Variants in RPRD2 observed in about 807,000 individuals in gnomAD.
RPRD2 encodes the protein regulation of nuclear pre-mRNA domain-containing protein 2.
RPRD2 carries 12 observed loss-of-function variants against 104.4 expected under a neutral mutation model. The observed-to-expected ratio is 0.11, with a 90% CI of 0.07 to 0.19. The LOEUF (loss-of-function observed/expected upper bound fraction) is 0.19. Among genes scored for constraint, RPRD2 ranks in the 10% least tolerant of loss-of-function variants. The pLI, the probability that RPRD2 is intolerant of heterozygous loss-of-function variation, is 1.00. For missense variants in RPRD2, 1,543 were observed against 1,790.1 expected, an observed-to-expected ratio of 0.86 and a Z score of 2.49; for synonymous variants, 714 against 684.9, an observed-to-expected ratio of 1.04 and a Z score of -0.66.
intron 1 of RPRD2, among the ~76,000 whole-genome samples, chr1:150,367,849 A>G (rs1168193681): frequency 6.6e-6 from 1 of 151,890 alleles, no homozygotes; most frequent in African/African-American, 2.4e-5. Context: ...CAGCCTCCCA[A>G]GTAGCTGGGA....
At chr1:150,390,068 A>G (rs1661950991) in intron 1 of RPRD2, among the ~76,000 whole-genome samples, 2 of 152,210 alleles carry the variant, frequency 1.3e-5, no homozygotes, top group Admixed American at 6.6e-5. Flanking sequence ...CAGAATTCCC[A>G]TAGATAAAAT....
In RPRD2 at chr1:150,440,969, G is replaced by T; in HGVS notation, c.382G>T (p.Glu128Ter). Residue 128 changes from glutamate (E) to a stop codon, truncating the protein, a stop_gained, in exon 3 of 11, where the codon GAA becomes TAA. Coordinates refer to ENST00000369068, the MANE Select transcript of RPRD2 (RefSeq NM_015203.5). LOFTEE classifies it high-confidence loss of function. The part of the protein sequence containing the change: ...KSVERIFKIW[E>*]DRNVYPEEMI... ...TGTAGAACGAATCTTTAAAATCTGG[G>T]AAGATAGAAATGTATACCCAGAAGA... The T allele has an allele frequency of 6.3e-7, 1 of 1,585,032 alleles. No homozygotes were observed. Among genetic ancestry groups the T allele is most frequent in the Non-Finnish European group, 8.6e-7 (1 of 1,163,962 alleles).
chr1:150,441,321 C>G (rs1346514596), intron 3 of RPRD2: 4 of 286,196 alleles, frequency 1.4e-5, no homozygotes, highest in Non-Finnish European at 2.6e-5. Context: ...TCAAATGGTT[C>G]ATTGTTTGTG....
rs10524632 is a variant in RPRD2, at chr1:150,395,365, T to TTGTGTGTGTGTGTGTGTGTGTG, written c.206-22217_206-22196dup. On this transcript the variant is annotated intron_variant, in intron 1 of 10. Coordinates refer to ENST00000369068, the MANE Select transcript of RPRD2 (RefSeq NM_015203.5). The stretch of plus-strand genomic sequence containing the variant: ...CTTTTCATGGCTGAGTAGTATTCCA[T>TTGTGTGTGTGTGTGTGTGTGTG]TGTGTGTGTGTGTGTGTGTGTGTGT... Among the ~76,000 whole-genome samples the TTGTGTGTGTGTGTGTGTGTGTG allele has an allele frequency of 2.5e-3, 356 of 144,146 alleles. 5 individuals are homozygous for TTGTGTGTGTGTGTGTGTGTGTG. The highest frequency in any genetic ancestry group is 5.7e-3 in the African/African-American group (217 of 38,134). The allele number at this position is 144,146 out of a possible 152,430, so 94.6% of individuals were successfully genotyped here.
chr1:150,393,454 C>CAAAAAAAA (rs1203478537), intron 1 of RPRD2, among the ~76,000 whole-genome samples: 1 of 59,552 alleles, frequency 1.7e-5, no homozygotes, highest in African/African-American at 5.9e-5. Context: ...GACCCTGTCT[C>CAAAAAAAA]AAAAAAAAAA....
rs147622473 is a variant in RPRD2, at chr1:150,366,359, A to G, written c.205+1440A>G. On this transcript the variant is annotated intron_variant, in intron 1 of 10. Coordinates refer to ENST00000369068, the MANE Select transcript of RPRD2 (RefSeq NM_015203.5). Reference sequence around the variant, plus strand: ...CCATGCTTCGAACTATTTGTGTTTAAAGTTTTGGGAGGGATGTTTTGTGGT... The same window carrying G: ...CCATGCTTCGAACTATTTGTGTTTAGAGTTTTGGGAGGGATGTTTTGTGGT... Among the ~76,000 whole-genome samples the G allele has an allele frequency of 1.6e-4, 24 of 152,312 alleles. No individual in the cohort carries two copies. In the East Asian group the frequency reaches 4.6e-3, roughly 29 times the overall value.
intron 7 of RPRD2, among the ~76,000 whole-genome samples, chr1:150,451,207 T>C (rs1411304468): frequency 3.2e-4 from 48 of 152,196 alleles, no homozygotes. Flanking sequence ...TATGCATCTT[T>C]AGAAGGAATA....
rs1553876852 is a variant in RPRD2, at chr1:150,364,711, G to A, written c.-4G>A. ...GAGCAGCAGCGCTTGTGCAAACCGG[G>A]AAGATGGCGGCCGGCGGCGGCGGAG... On this transcript the variant is annotated 5_prime_UTR_variant, in exon 1 of 11. Coordinates refer to ENST00000369068, the MANE Select transcript of RPRD2 (RefSeq NM_015203.5). 3 of 1,556,312 alleles carry A rather than the reference G, an allele frequency of 1.9e-6. No individual in the cohort carries two copies. Among genetic ancestry groups the A allele is most frequent in the South Asian group, 2.3e-5 (2 of 86,222 alleles).
intron 2 of RPRD2, among the ~76,000 whole-genome samples, chr1:150,433,641 TCA>T (rs1185241723): frequency 2.0e-5 from 3 of 148,756 alleles, no homozygotes; most frequent in African/African-American, 7.3e-5. Context: ...AGATGGGGTT[TCA>T]CAGTGTTAGC....
intron 7 of RPRD2, among the ~76,000 whole-genome samples, chr1:150,451,714 T>G (rs1572504619): frequency 6.7e-6 from 1 of 150,030 alleles, no homozygotes; most frequent in Admixed American, 6.7e-5. Context: ...CAAAAAGATG[T>G]GTTGAAGCCC....
chr1:150,386,766 G>T (rs1661597300), intron 1 of RPRD2, among the ~76,000 whole-genome samples: 2 of 152,152 alleles, frequency 1.3e-5, no homozygotes, highest in South Asian at 4.1e-4. Flanking sequence ...CTTACATAGA[G>T]ATAATTAGCA....
intron 2 of RPRD2, among the ~76,000 whole-genome samples, chr1:150,427,438 A>G (rs976796742): frequency 2.0e-5 from 3 of 151,256 alleles, no homozygotes; most frequent in Non-Finnish European, 4.4e-5. Context: ...GCCCCACTGC[A>G]CTCCAGCCTG....
intron 2 of RPRD2, among the ~76,000 whole-genome samples, chr1:150,437,827 G>T (rs587727131): frequency 6.6e-6 from 1 of 151,874 alleles, no homozygotes; most frequent in Admixed American, 6.6e-5. Context: ...TGATCCGCCA[G>T]CTTCAGCCTT....
intron 1 of RPRD2, among the ~76,000 whole-genome samples, chr1:150,414,109 C>T (rs1664147619): frequency 6.6e-6 from 1 of 151,888 alleles, no homozygotes. Context: ...CTCAGGGTGC[C>T]TCGGAGACTT....
intron 7 of RPRD2, among the ~76,000 whole-genome samples, chr1:150,448,854 A>G (rs782449074): frequency 6.6e-6 from 1 of 151,992 alleles, no homozygotes; most frequent in African/African-American, 2.4e-5. Flanking sequence ...TGAGTCCTCT[A>G]TTTTCCAGAT....
intron 6 of RPRD2, among the ~76,000 whole-genome samples, chr1:150,445,989 A>AC (rs1292688885): frequency 6.7e-6 from 1 of 150,044 alleles, no homozygotes; most frequent in Non-Finnish European, 1.5e-5. Context: ...AGTGGCGTGA[A>AC]CCCGGGAAGC....
At chr1:150,466,186 G>T (rs1004773935) in intron 10 of RPRD2, among the ~76,000 whole-genome samples, 3 of 151,732 alleles carry the variant, frequency 2.0e-5, no homozygotes, top group African/African-American at 7.3e-5. Context: ...ATACCATCCT[G>T]GCTAACACAG....
chr1:150,456,663 G>A (rs1023549836), intron 7 of RPRD2, among the ~76,000 whole-genome samples: 10 of 151,560 alleles, frequency 6.6e-5, no homozygotes, highest in African/African-American at 2.4e-4. Flanking sequence ...GGTGACTCAA[G>A]CCTGTAATCC....
intron 1 of RPRD2, among the ~76,000 whole-genome samples, chr1:150,382,968 T>G (rs1661246247): frequency 6.6e-6 from 1 of 151,092 alleles, no homozygotes; most frequent in Admixed American, 6.6e-5. Context: ...ATTACAGGAG[T>G]GAGCCACTGT....
Sources: allele counts gnomAD v4.1 joint callset (sites outside exome capture counted in the v4.1 genomes callset), GRCh38; gene constraint gnomAD v4.1.1; transcripts MANE v1.5; gene names NCBI Gene and HGNC (gene_info 2026-07-23, HGNC 2026-07-21).